The following TFB1M variants were observed in gnomAD, a reference collection of about 807,000 sequenced individuals.
TFB1M encodes the protein transcription factor B1, mitochondrial.
A neutral mutation model predicts 31.1 loss-of-function variants in TFB1M; 27 were observed. That is an observed-to-expected ratio of 0.87 (90% CI 0.64 to 1.20). TFB1M has a LOEUF of 1.20. Ranked by LOEUF, TFB1M falls within the 50% of genes most tolerant of loss-of-function variation. TFB1M has a pLI of 0.00. For missense variants in TFB1M, 394 were observed against 418.7 expected, an observed-to-expected ratio of 0.94 and a Z score of 0.51; for synonymous variants, 166 against 151.8, an observed-to-expected ratio of 1.09 and a Z score of -0.69.
At chr6:155,272,219 T>A (rs1262001677) in intron 5 of TFB1M, among the ~76,000 whole-genome samples, 1 of 152,232 alleles carries the variant, frequency 6.6e-6, no homozygotes, top group African/African-American at 2.4e-5. Flanking sequence ...AAACCTGTCT[T>A]AATGCTTAGA....
intron 5 of TFB1M, among the ~76,000 whole-genome samples, chr6:155,266,538 C>T (rs1420967210): frequency 6.6e-6 from 1 of 152,162 alleles, no homozygotes; most frequent in South Asian, 2.1e-4. Context: ...TCCCCAGTCT[C>T]GCTCACAGTT....
At chr6:155,249,768 T>A in the TFB1M span, 2 of 1,208,334 alleles carry the variant, frequency 1.7e-6, no homozygotes, top group Non-Finnish European at 2.3e-6. Flanking sequence ...CTGAGTTGAA[T>A]CTTGACTCCA....
chr6:155,243,995 T>G, the TFB1M span: 1 of 1,613,684 alleles, frequency 6.2e-7, no homozygotes, highest in Non-Finnish European at 8.5e-7. Context: ...AGACACTTTC[T>G]TCTATTTTCT....
intron 2 of TFB1M, chr6:155,310,973 G>C (rs1777990751): frequency 1.7e-6 from 1 of 577,510 alleles, no homozygotes; most frequent in African/African-American, 1.9e-5. Context: ...TTTTTTTCAA[G>C]GTGTAGTCAA....
intron 5 of TFB1M, among the ~76,000 whole-genome samples, chr6:155,266,021 C>T (rs924209462): frequency 5.3e-5 from 8 of 151,786 alleles, no homozygotes; most frequent in Non-Finnish European, 1.0e-4. Context: ...CTAGCTGAGC[C>T]GGCAGCTGAT....
chr6:155,302,588 C>T (rs1176733628), intron 2 of TFB1M, among the ~76,000 whole-genome samples: 1 of 151,850 alleles, frequency 6.6e-6, no homozygotes, highest in South Asian at 2.1e-4. Flanking sequence ...TTCAGACTTT[C>T]TCAGTATTTT....
At chr6:155,271,193 T>C (rs1324688614) in intron 5 of TFB1M, among the ~76,000 whole-genome samples, 2 of 152,190 alleles carry the variant, frequency 1.3e-5, no homozygotes, top group South Asian at 4.1e-4. Context: ...AAAAATCCAA[T>C]AATAAAATTA....
chr6:155,231,750 G>T, the TFB1M span, among the ~76,000 whole-genome samples: 1 of 152,264 alleles, frequency 6.6e-6, no homozygotes, highest in Non-Finnish European at 1.5e-5. Flanking sequence ...CCACTGTGCA[G>T]TCCAGATGTG....
Position 155,257,693 on chromosome 6 carries a change from A to G in TFB1M, c.*143T>C. The stretch of plus-strand genomic sequence containing the variant: ...TTTGATGATATTTATTTTCTCTGCC[A>G]AGCTGTATAGTAAAAGGAAAATAAG... On this transcript the variant is annotated 3_prime_UTR_variant, in exon 7 of 7. Transcript: ENST00000367166. The G allele has an allele frequency of 5.4e-6, 5 of 919,322 alleles. No homozygotes were observed. Among genetic ancestry groups the G allele is most frequent in the Non-Finnish European group, 6.7e-6 (4 of 596,276 alleles). The allele number at this position is 919,322 out of a possible 1,614,324, so 56.9% of individuals were successfully genotyped here.
chr6:155,261,109 C>T (rs888039694), intron 5 of TFB1M: 2 of 152,840 alleles, frequency 1.3e-5, no homozygotes, highest in Non-Finnish European at 2.9e-5. Flanking sequence ...TGATTTGTTC[C>T]AAAAATGGAC....
At position 155,256,269 on chromosome 6, in the gene TFB1M, A is replaced by T; in HGVS notation, c.*1567T>A. ...ATAATTGAGCTCTGGTAATCTAAAA[A>T]TGCTGAATTGCCTAACTTACAACTG... On this transcript the variant is annotated 3_prime_UTR_variant, in exon 7 of 7. Transcript: ENST00000367166. 1.5e-6 allele frequency: 1 copy of T among 648,686 alleles called. No homozygotes were observed. The highest frequency in any genetic ancestry group is 2.0e-5 in the South Asian group (1 of 50,146). 40.2% of individuals were successfully genotyped at this position (648,686 alleles called of 1,614,324 possible). A position where few individuals can be genotyped will look rare whatever the true frequency, so the allele number is the denominator to read the frequency against.
intron 5 of TFB1M, chr6:155,276,642 G>T: frequency 3.1e-6 from 1 of 323,966 alleles, no homozygotes; most frequent in Non-Finnish European, 5.4e-6. Context: ...ACATTCATAA[G>T]GCAATTATTT....
chr6:155,290,714 C>A (rs755120189), intron 4 of TFB1M, among the ~76,000 whole-genome samples: 31 of 152,098 alleles, frequency 2.0e-4, no homozygotes, highest in Non-Finnish European at 3.7e-4. Flanking sequence ...TGTGTTTCCC[C>A]CCACACAAAT....
At chr6:155,293,884 ACT>A (rs941032902) in intron 4 of TFB1M, among the ~76,000 whole-genome samples, 1 of 151,644 alleles carries the variant, frequency 6.6e-6, no homozygotes, top group African/African-American at 2.4e-5. Context: ...CTTTTTTTTG[ACT>A]CTATGCAAAC....
At chr6:155,275,000 C>G (rs1202515791) in intron 5 of TFB1M, among the ~76,000 whole-genome samples, 1 of 151,630 alleles carries the variant, frequency 6.6e-6, no homozygotes, top group Non-Finnish European at 1.5e-5. Context: ...GGGCGGATCA[C>G]GAGGTCAGGA....
chr6:155,248,332 G>A, the TFB1M span, among the ~76,000 whole-genome samples: 7 of 152,348 alleles, frequency 4.6e-5, no homozygotes, highest in East Asian at 9.7e-4. Flanking sequence ...TAGGTTTCAC[G>A]TGAATATGTG....
intron 1 of TFB1M, among the ~76,000 whole-genome samples, chr6:155,312,283 G>C (rs1778048774): frequency 6.6e-6 from 1 of 152,170 alleles, no homozygotes; most frequent in East Asian, 1.9e-4. Flanking sequence ...TCTTTTAACA[G>C]GGAGGGAATT....
chr6:155,290,120 C>T (rs1776842862), intron 4 of TFB1M, among the ~76,000 whole-genome samples: 2 of 152,166 alleles, frequency 1.3e-5, no homozygotes, highest in South Asian at 4.1e-4. Context: ...GGCGTGGTGG[C>T]TCACGCCTGT....
At chr6:155,276,600 T>G (rs375892466) in intron 5 of TFB1M, 24 of 458,418 alleles carry the variant, frequency 5.2e-5, no homozygotes, top group East Asian at 4.3e-4. Context: ...CATGTTTTAC[T>G]TAAAGATTTA....
Sources: gnomAD v4.1 joint callset for allele counts (sites outside exome capture counted in the v4.1 genomes callset) on GRCh38, gnomAD v4.1.1 for gene constraint, MANE v1.5 for transcripts, NCBI Gene and HGNC (gene_info 2026-07-23, HGNC 2026-07-21) for gene names.